The following PPP2R2B variants were observed in gnomAD, a reference collection of about 807,000 sequenced individuals.
PPP2R2B encodes protein phosphatase 2 regulatory subunit Bbeta, also known as serine/threonine-protein phosphatase 2A 55 kDa regulatory subunit B beta isoform.
A neutral mutation model predicts 46.0 loss-of-function variants in PPP2R2B; 5 were observed. That is an observed-to-expected ratio of 0.11 (90% CI 0.06 to 0.23). The LOEUF (loss-of-function observed/expected upper bound fraction) is 0.23, where lower values mean the gene tolerates loss of function less well. Ranked by LOEUF, PPP2R2B falls within the 10% of genes least tolerant of loss-of-function variation. PPP2R2B has a pLI of 1.00. For missense variants in PPP2R2B, 367 were observed against 575.0 expected (o/e 0.64, Z 3.70); for synonymous variants, 215 against 206.7 (o/e 1.04, Z -0.34).
At position 146,718,481 on chromosome 5, in the gene PPP2R2B, C is replaced by T. The variant is rs140610565; in HGVS notation, c.71-17339G>A. Among the ~76,000 whole-genome samples the T allele has an allele frequency of 3.1e-3, 473 of 152,210 alleles. 4 individuals are homozygous for T. The highest frequency in any genetic ancestry group is 0.01 in the African/African-American group (431 of 41,522). On this transcript the variant is annotated intron_variant, in intron 2 of 9. Transcript: ENST00000394411. ...CTCTAATGTTGTTCTTACACACACA[C>T]GTACATTTGGTTTTCAGTTGAATTG...
At position 146,793,021 on chromosome 5, in the gene PPP2R2B, A is replaced by G. The variant is rs1049481377; in HGVS notation, c.70+84981T>C. Among the ~76,000 whole-genome samples the G allele has an allele frequency of 2.0e-5, 3 of 152,188 alleles. No individual in the cohort carries two copies. In the East Asian group the frequency reaches 5.8e-4, roughly 29 times the overall value. On this transcript the variant is annotated intron_variant, in intron 2 of 9. Coordinates refer to ENST00000394411, the MANE Select transcript of PPP2R2B (RefSeq NM_181675.4). ...TCAGTGGTAAAAGTGGAAGCAGGGA[A>G]CTGCTACAACAAAGTATGTTAGATA...
At chr5:146,929,547 A>G (rs912841736) in intron 1 of PPP2R2B, among the ~76,000 whole-genome samples, 1 of 152,190 alleles carries the variant, frequency 6.6e-6, no homozygotes, top group Non-Finnish European at 1.5e-5. Context: ...AAAAAAATTG[A>G]TTGGGAAATG....
At chr5:146,958,552 A>G (rs557660313) in intron 1 of PPP2R2B, among the ~76,000 whole-genome samples, 27 of 152,178 alleles carry the variant, frequency 1.8e-4, no homozygotes, top group Non-Finnish European at 2.8e-4. Context: ...CTAACTCTGT[A>G]TTGTCACGAT....
intron 6 of PPP2R2B, among the ~76,000 whole-genome samples, chr5:146,644,911 A>T (rs1775475756): frequency 6.6e-6 from 1 of 152,092 alleles, no homozygotes; most frequent in South Asian, 2.1e-4. Context: ...TTTGCTGCTG[A>T]TTTTGCTAAT....
upstream of PPP2R2B, among the ~76,000 whole-genome samples, chr5:147,056,603 T>A (rs773092136): frequency 1.3e-5 from 2 of 152,036 alleles, no homozygotes; most frequent in Non-Finnish European, 2.9e-5. Flanking sequence ...TTAAAAAACA[T>A]GGAAAAACTA....
At chr5:146,997,046 G>A (rs913163358) in intron 1 of PPP2R2B, among the ~76,000 whole-genome samples, 2 of 152,128 alleles carry the variant, frequency 1.3e-5, no homozygotes, top group Non-Finnish European at 2.9e-5. Flanking sequence ...TCAAACACGG[G>A]ATTGCACCCA....
chr5:146,865,948 C>T (rs775253000), intron 2 of PPP2R2B, among the ~76,000 whole-genome samples: 10 of 152,142 alleles, frequency 6.6e-5, no homozygotes, highest in South Asian at 2.1e-4. Context: ...CTCACTTAGA[C>T]GATTAATACT....
intron 2 of PPP2R2B, among the ~76,000 whole-genome samples, chr5:147,063,757 C>A (rs1443168014): frequency 3.3e-5 from 5 of 152,164 alleles, no homozygotes; most frequent in African/African-American, 1.2e-4. Flanking sequence ...CAGGATTAGG[C>A]AGCATATTTC....
At chr5:147,055,535 G>A (rs2151905269) in intron 1 of PPP2R2B, 4 of 769,064 alleles carry the variant, frequency 5.2e-6, no homozygotes, top group South Asian at 5.1e-5. Context: ...AAGTCTGTTG[G>A]ATACAAGCTT....
In PPP2R2B at chr5:146,698,298, G is replaced by GA. The variant is rs779839513; in HGVS notation, c.169-155dup. Among the ~76,000 whole-genome samples the GA allele has an allele frequency of 4.1e-3, 59 of 14,488 alleles. 10 individuals are homozygous for GA. The highest frequency in any genetic ancestry group is 9.6e-3 in the African/African-American group (30 of 3,128). The allele number at this position is 14,488 out of a possible 152,430, so 9.5% of individuals were successfully genotyped here. A position where few individuals can be genotyped will look rare whatever the true frequency, so the allele number is the denominator to read the frequency against. ...GGCCATGATAGTCACTAGCACCTCTGAAAAAAAAAAAAAAAAAAAATATAT... is the reference window on the plus strand; with the variant it reads ...GGCCATGATAGTCACTAGCACCTCTGAAAAAAAAAAAAAAAAAAAAATATAT... On this transcript the variant is annotated intron_variant, in intron 3 of 9. Transcript: ENST00000394411.
chr5:146,655,345 C>A (rs371908167), intron 5 of PPP2R2B, among the ~76,000 whole-genome samples: 1 of 152,188 alleles, frequency 6.6e-6, no homozygotes, highest in African/African-American at 2.4e-5. Context: ...CTCTTCCCCC[C>A]CAGAGAGTGG....
chr5:147,074,077 C>T (rs1757685908), intron 2 of PPP2R2B, among the ~76,000 whole-genome samples: 1 of 151,602 alleles, frequency 6.6e-6, no homozygotes, highest in African/African-American at 2.4e-5. Flanking sequence ...TTGTGAAATA[C>T]ACAGGTCCTT....
chr5:146,941,788 G>T (rs75592648), intron 1 of PPP2R2B, among the ~76,000 whole-genome samples: 9 of 152,178 alleles, frequency 5.9e-5, no homozygotes, highest in African/African-American at 1.7e-4. Context: ...CTTTTGTGTT[G>T]GTTTCTTAGG....
At chr5:147,010,347 C>T (rs527640644) in intron 1 of PPP2R2B, among the ~76,000 whole-genome samples, 17 of 152,262 alleles carry the variant, frequency 1.1e-4, no homozygotes, top group Non-Finnish European at 1.9e-4. Context: ...AAGTGCATTA[C>T]ATTTATTGTG....
chr5:147,063,409 GCAGATTT>G (rs1561608092), intron 2 of PPP2R2B, among the ~76,000 whole-genome samples: 1 of 152,138 alleles, frequency 6.6e-6, no homozygotes, highest in Non-Finnish European at 1.5e-5. Flanking sequence ...AATATATAAA[GCAGATTT>G]CAGTTGCTGT....
intron 2 of PPP2R2B, among the ~76,000 whole-genome samples, chr5:146,825,008 GC>G (rs1431456062): frequency 2.0e-5 from 3 of 152,160 alleles, no homozygotes; most frequent in African/African-American, 7.2e-5. Context: ...ACAGGCGTGA[GC>G]CACCGCACCC....
Position 146,912,238 on chromosome 5 carries a change from C to CAAAAAAA in PPP2R2B, c.79+143420_79+143426dup, listed in dbSNP as rs35127306. On this transcript the variant is annotated intron_variant, in intron 1 of 8. Coordinates refer to the PPP2R2B transcript ENST00000336640. ...TGGGTGATAGAGTGAGGCTCCGTCT[C>CAAAAAAA]AAAAAAAAAAAAAAAAAAAAAAAGT... Among the ~76,000 whole-genome samples, 342 of 56,586 alleles carry CAAAAAAA rather than the reference C, an allele frequency of 6.0e-3. 8 individuals are homozygous for CAAAAAAA. The highest frequency in any genetic ancestry group is 0.022 in the African/African-American group (330 of 14,732). The allele number at this position is 56,586 out of a possible 152,430, so 37.1% of individuals were successfully genotyped here.
At chr5:146,823,636 G>A (rs756511930) in intron 2 of PPP2R2B, among the ~76,000 whole-genome samples, 8 of 151,948 alleles carry the variant, frequency 5.3e-5, no homozygotes, top group Non-Finnish European at 1.0e-4. Context: ...ATAGTGCCAC[G>A]TCCACTTTAA....
At chr5:146,769,639 T>C (rs1369032853) in intron 2 of PPP2R2B, among the ~76,000 whole-genome samples, 1 of 152,210 alleles carries the variant, frequency 6.6e-6, no homozygotes, top group Non-Finnish European at 1.5e-5. Context: ...CTATATTAGC[T>C]TATGGCTAAA....
Sources: gnomAD v4.1 joint callset for allele counts (sites outside exome capture counted in the v4.1 genomes callset) on GRCh38, gnomAD v4.1.1 for gene constraint, MANE v1.5 for transcripts, NCBI Gene and HGNC (gene_info 2026-07-23, HGNC 2026-07-21) for gene names.